The following PRMT3 variants were observed in gnomAD, a reference collection of about 807,000 sequenced individuals.
The protein encoded by PRMT3 is protein arginine N-methyltransferase 3.
In PRMT3, 62 loss-of-function variants were observed where a neutral mutation model predicts 71.9. The ratio of observed to expected loss-of-function variants is 0.86; its 90% CI spans 0.70 to 1.07. PRMT3 has a LOEUF of 1.07. PRMT3 is among the 50% of genes least tolerant of loss of function. The pLI, the probability that PRMT3 is intolerant of heterozygous loss-of-function variation, is 0.00. For synonymous variants in PRMT3, 213 were observed against 220.4 expected, an observed-to-expected ratio of 0.97 and a Z score of 0.30; for missense variants, 663 against 643.0, an observed-to-expected ratio of 1.03 and a Z score of -0.34.
chr11:20,400,791 A>G (rs1446703245), intron 7 of PRMT3, among the ~76,000 whole-genome samples: 1 of 151,902 alleles, frequency 6.6e-6, no homozygotes, highest in Non-Finnish European at 1.5e-5. Flanking sequence ...TCTTGCTCCT[A>G]AGTATTGGAG....
At chr11:20,432,195 A>G (rs1014232551) in intron 10 of PRMT3, among the ~76,000 whole-genome samples, 2 of 152,144 alleles carry the variant, frequency 1.3e-5, no homozygotes, top group Admixed American at 6.5e-5. Context: ...AGGAACATGA[A>G]TCAACTGCCC....
At chr11:20,508,112 C>T (rs1042077042) in intron 15 of PRMT3, among the ~76,000 whole-genome samples, 192 bp from the exon 16 acceptor site, 1 of 146,784 alleles carries the variant, frequency 6.8e-6, no homozygotes, top group East Asian at 2.0e-4. Context: ...ATCACACCAC[C>T]GCACTCCAGC....
chr11:20,387,887 G>A lies in PRMT3; in HGVS notation c.28+113G>A, dbSNP rs1263904629. 6.5e-7 allele frequency: 1 copy of A among 1,541,240 alleles called. No individual in the cohort carries two copies. The highest frequency in any genetic ancestry group is 1.2e-5 in the South Asian group (1 of 84,810). On this transcript the variant is annotated intron_variant, in intron 1 of 15. Transcript: ENST00000331079. The surrounding 1 kb of genome is among the most constrained non-coding windows in gnomAD (Gnocchi z 4.3). ...CCCGGGCAGGGTGGGGGGCTCGCAG[G>A]GATCATGAAGGAGGTGCTGAGTGAG...
At chr11:20,434,334 ACT>A (rs928202190) in intron 10 of PRMT3, among the ~76,000 whole-genome samples, 17 of 151,988 alleles carry the variant, frequency 1.1e-4, no homozygotes, top group African/African-American at 4.1e-4. Context: ...TTGTCTGTTT[ACT>A]CTGTTGATGG....
intron 10 of PRMT3, among the ~76,000 whole-genome samples, chr11:20,430,335 G>T (rs2133357208): frequency 6.6e-6 from 1 of 152,194 alleles, no homozygotes; most frequent in South Asian, 2.1e-4. Context: ...AAATCATATA[G>T]CAGAGATGTA....
intron 10 of PRMT3, among the ~76,000 whole-genome samples, chr11:20,451,693 G>A (rs1020422287): frequency 1.3e-5 from 2 of 151,902 alleles, no homozygotes; most frequent in African/African-American, 2.4e-5. Flanking sequence ...GTAGCATCTC[G>A]TTCATCCCCC....
intron 13 of PRMT3, among the ~76,000 whole-genome samples, chr11:20,489,697 A>G (rs1051593655): frequency 5.3e-5 from 8 of 152,070 alleles, no homozygotes; most frequent in African/African-American, 1.9e-4. Flanking sequence ...TCCTTATTTA[A>G]TAGCTTTGCA....
chr11:20,441,294 T>C (rs1034604626), intron 10 of PRMT3, among the ~76,000 whole-genome samples: 48 of 148,168 alleles, frequency 3.2e-4, no homozygotes, highest in Non-Finnish European at 6.4e-4. Context: ...TTTATTTATT[T>C]ATTTATTTAT....
intron 10 of PRMT3, among the ~76,000 whole-genome samples, chr11:20,441,261 CTTTTTATTTATT>C (rs1208974363): frequency 7.1e-6 from 1 of 140,966 alleles, no homozygotes; most frequent in African/African-American, 2.6e-5. Flanking sequence ...ATGTTACTAA[CTTTTTATTTATT>C]TATTTATTTA....
At chr11:20,423,169 C>T (rs1460309265) in intron 9 of PRMT3, among the ~76,000 whole-genome samples, 3 of 152,156 alleles carry the variant, frequency 2.0e-5, no homozygotes, top group Admixed American at 6.5e-5. Context: ...TGTCCATTCA[C>T]TTCTCTCATT....
At chr11:20,494,790 C>G (rs139876540) in intron 15 of PRMT3, among the ~76,000 whole-genome samples, 35 of 152,238 alleles carry the variant, frequency 2.3e-4, no homozygotes, top group African/African-American at 8.2e-4. Context: ...CTACCTGGCT[C>G]TTAAAGTATC....
chr11:20,442,005 C>G (rs138298077), intron 10 of PRMT3, among the ~76,000 whole-genome samples: 4,396 of 152,148 alleles, frequency 0.029, 219 homozygotes, highest in African/African-American at 0.099. Context: ...GTTGGCGGGG[C>G]TGGTCTTGAA....
chr11:20,397,531 T>C (rs200095140), intron 6 of PRMT3, 46 bp from the exon 7 acceptor site: 54 of 1,596,898 alleles, frequency 3.4e-5, no homozygotes, highest in Non-Finnish European at 4.3e-5. Flanking sequence ...CCTTTATTCA[T>C]GGTCCAATAA....
chr11:20,468,403 A>G (rs1420967717), intron 13 of PRMT3, among the ~76,000 whole-genome samples: 2 of 152,028 alleles, frequency 1.3e-5, no homozygotes, highest in African/African-American at 4.8e-5. Context: ...GTCTCACTCT[A>G]TATTGCCTAG....
At position 20,397,632 on chromosome 11, in the gene PRMT3, A is replaced by G. The variant is rs771976507; in HGVS notation, c.616A>G (p.Thr206Ala). Reference sequence around the variant, plus strand: ...AGATGTCAGAACCTGCTCGTCATCTACTAGTGTCATTGCGGACCTCCAGGA... The same window carrying G: ...AGATGTCAGAACCTGCTCGTCATCTGCTAGTGTCATTGCGGACCTCCAGGA... ...HTDVRTCSSSTSVIADLQEDE... is the reference protein window; with the variant it reads ...HTDVRTCSSSASVIADLQEDE... The change falls in exon 7 of 16, where the codon ACT becomes GCT. Residue 206 changes from threonine to alanine, a missense_variant. Transcript: ENST00000331079. 10 of 1,614,130 alleles carry G rather than the reference A, an allele frequency of 6.2e-6. No individual in the cohort carries two copies. The highest frequency in any genetic ancestry group is 6.8e-6 in the Non-Finnish European group (8 of 1,180,002).
chr11:20,429,036 G>A (rs2133355566), intron 10 of PRMT3, among the ~76,000 whole-genome samples: 1 of 152,192 alleles, frequency 6.6e-6, no homozygotes, highest in East Asian at 1.9e-4. Flanking sequence ...TTTATCCTCT[G>A]TATAAGTGAC....
In PRMT3 at chr11:20,463,123, C is replaced by T. The variant is rs1850426349; in HGVS notation, c.1260+956C>T. 2.0e-5 allele frequency among the ~76,000 whole-genome samples: 3 copies of T among 152,168 alleles called. 1 individual carries two copies. Among genetic ancestry groups the T allele is most frequent in the South Asian group, 4.1e-4 (2 of 4,832 alleles). Reference sequence around the variant, plus strand: ...TCATGATCCGCCTGCCTCGGCCTCCCGAAGTGCTGTCTTCTCGTTTTAATC... The same window carrying T: ...TCATGATCCGCCTGCCTCGGCCTCCTGAAGTGCTGTCTTCTCGTTTTAATC... On this transcript the variant is annotated intron_variant, in intron 12 of 15. Transcript: ENST00000331079.
Position 20,444,879 on chromosome 11 carries a change from C to T in PRMT3, c.994-7251C>T, listed in dbSNP as rs376685429. Among the ~76,000 whole-genome samples the T allele has an allele frequency of 1.2e-4, 18 of 152,126 alleles. No individual in the cohort carries two copies. The East Asian group carries it at 3.5e-3, about 29-fold the overall frequency. On this transcript the variant is annotated intron_variant, in intron 10 of 15. Transcript: ENST00000331079. ...GGGTTGTCTCTTTCTCTTTTCAGTT[C>T]TGTCAGGTTTTGCTTCAGGTATTTT...
chr11:20,455,243 C>T (rs1850242443), intron 11 of PRMT3, among the ~76,000 whole-genome samples: 1 of 152,116 alleles, frequency 6.6e-6, no homozygotes, highest in Non-Finnish European at 1.5e-5. Context: ...GTGTCAAATA[C>T]TCCATCTCAC....
Sources: gnomAD v4.1 joint callset for allele counts (sites outside exome capture counted in the v4.1 genomes callset) on GRCh38, gnomAD v4.1.1 for gene constraint, Gnocchi (gnomAD v3.1) non-coding constraint, MANE v1.5 for transcripts, NCBI Gene and HGNC (gene_info 2026-07-23, HGNC 2026-07-21) for gene names.